The following LRP1B variants were observed in gnomAD, a reference collection of about 807,000 sequenced individuals.
LRP1B encodes the protein LDL receptor related protein 1B.
A neutral mutation model predicts 556.6 loss-of-function variants in LRP1B; 217 were observed. The observed-to-expected ratio is 0.39, with a 90% CI of 0.35 to 0.44. LRP1B has a LOEUF of 0.44. Ranked by LOEUF, LRP1B falls within the 20% of genes least tolerant of loss-of-function variation. LRP1B has a pLI of 1.00. For missense variants in LRP1B, 5,053 were observed against 5,620.8 expected (o/e 0.90, Z 3.23); for synonymous variants, 2,047 against 1,865.8 (o/e 1.10, Z -2.50).
At chr2:141,086,956 A>T (rs935327347) in intron 7 of LRP1B, among the ~76,000 whole-genome samples, 3 of 152,152 alleles carry the variant, frequency 2.0e-5, no homozygotes, top group Admixed American at 1.3e-4. Context: ...GAAGGAACAT[A>T]TTGGTGGTTG....
intron 2 of LRP1B, among the ~76,000 whole-genome samples, chr2:141,630,240 T>C (rs1688859917): frequency 6.6e-6 from 1 of 152,188 alleles, no homozygotes; most frequent in South Asian, 2.1e-4. Context: ...GAGTGCCTAC[T>C]ATATTGATTT....
intron 68 of LRP1B, among the ~76,000 whole-genome samples, chr2:140,374,035 G>T (rs546614402): frequency 6.6e-6 from 1 of 152,120 alleles, no homozygotes; most frequent in Non-Finnish European, 1.5e-5. Context: ...CTAAAGAGCT[G>T]TGAAATGAAC....
intron 7 of LRP1B, among the ~76,000 whole-genome samples, chr2:141,066,060 T>A (rs1304587633): frequency 1.3e-5 from 2 of 152,038 alleles, no homozygotes; most frequent in Non-Finnish European, 2.9e-5. Flanking sequence ...TATTTTTAAA[T>A]GTCATTCTAG....
intron 79 of LRP1B, among the ~76,000 whole-genome samples, chr2:140,327,005 A>T: frequency 6.6e-6 from 1 of 152,154 alleles, no homozygotes. Context: ...TGTATGACTC[A>T]TGAATTCTAT....
intron 35 of LRP1B, among the ~76,000 whole-genome samples, chr2:140,754,618 T>C (rs1688683353): frequency 6.6e-6 from 1 of 151,746 alleles, no homozygotes; most frequent in Non-Finnish European, 1.5e-5. Context: ...AGAAAATACT[T>C]TGAGATGAGT....
chr2:141,676,779 A>G (rs984673202), intron 2 of LRP1B, among the ~76,000 whole-genome samples: 2 of 152,090 alleles, frequency 1.3e-5, no homozygotes, highest in African/African-American at 4.8e-5. Flanking sequence ...TTTAGTTTTC[A>G]ATTTTGTATT....
intron 2 of LRP1B, among the ~76,000 whole-genome samples, chr2:141,507,114 C>T (rs1398237971): frequency 2.6e-5 from 4 of 152,244 alleles, no homozygotes; most frequent in South Asian, 4.1e-4. Flanking sequence ...TTGAAAAATA[C>T]AGTAAGTAAA....
At chr2:141,661,275 C>T (rs192868828) in intron 2 of LRP1B, among the ~76,000 whole-genome samples, 1 of 152,292 alleles carries the variant, frequency 6.6e-6, no homozygotes, top group East Asian at 1.9e-4. Context: ...CTCTTCTCCT[C>T]CAAATGATCA....
At chr2:141,991,112 T>G (rs1488779079) in intron 1 of LRP1B, among the ~76,000 whole-genome samples, 1 of 152,104 alleles carries the variant, frequency 6.6e-6, no homozygotes, top group African/African-American at 2.4e-5. Context: ...ATGGTGAGGT[T>G]AACTTCATCT....
chr2:140,979,622 C>A (rs1427056340), intron 18 of LRP1B, among the ~76,000 whole-genome samples: 2 of 152,106 alleles, frequency 1.3e-5, no homozygotes, highest in African/African-American at 2.4e-5. Context: ...GGGTTCCTCC[C>A]CACCAGGAAA....
chr2:140,970,962 A>C (rs1477211663), intron 18 of LRP1B, among the ~76,000 whole-genome samples: 1 of 151,796 alleles, frequency 6.6e-6, no homozygotes, highest in African/African-American at 2.4e-5. Context: ...GCTGGCCTCA[A>C]ACTCCTGGGC....
chr2:140,915,891 G>C (rs1357198430), intron 21 of LRP1B, among the ~76,000 whole-genome samples: 1 of 151,842 alleles, frequency 6.6e-6, no homozygotes, highest in Non-Finnish European at 1.5e-5. Flanking sequence ...AGCCGGGTGA[G>C]GGGGCAGGCG....
At chr2:140,531,353 C>T (rs1252356398) in intron 47 of LRP1B, among the ~76,000 whole-genome samples, 1 of 152,060 alleles carries the variant, frequency 6.6e-6, no homozygotes, top group Non-Finnish European at 1.5e-5. Flanking sequence ...CTTCCAAATG[C>T]TAATTTATTT....
At chr2:140,827,273 A>C (rs1409227410) in intron 31 of LRP1B, among the ~76,000 whole-genome samples, 2 of 152,160 alleles carry the variant, frequency 1.3e-5, no homozygotes, top group African/African-American at 2.4e-5. Flanking sequence ...GACAAAACAA[A>C]GAGCCAGTGA....
At chr2:141,397,739 A>C (rs1690294964) in intron 3 of LRP1B, among the ~76,000 whole-genome samples, 1 of 151,560 alleles carries the variant, frequency 6.6e-6, no homozygotes, top group Non-Finnish European at 1.5e-5. Flanking sequence ...TATGTCTCTA[A>C]AGTCCCAGAC....
intron 20 of LRP1B, among the ~76,000 whole-genome samples, chr2:140,923,953 ATTTGT>A (rs1336588298): frequency 6.6e-6 from 1 of 152,070 alleles, no homozygotes; most frequent in Non-Finnish European, 1.5e-5. Flanking sequence ...GCTTATTAAA[ATTTGT>A]TTTAAGATCT....
chr2:140,489,156 G>A (rs1334809484), intron 57 of LRP1B, among the ~76,000 whole-genome samples: 5 of 151,874 alleles, frequency 3.3e-5, no homozygotes, highest in Admixed American at 3.3e-4. Flanking sequence ...TCTCACAGCA[G>A]GGCTAAATTT....
chr2:140,665,213 C>G (rs987737238), intron 41 of LRP1B, among the ~76,000 whole-genome samples: 2 of 152,150 alleles, frequency 1.3e-5, no homozygotes, highest in African/African-American at 4.8e-5. Flanking sequence ...TACTTTTATT[C>G]ATAGAAATTT....
intron 1 of LRP1B, among the ~76,000 whole-genome samples, chr2:142,002,821 G>A (rs1702695212): frequency 6.6e-6 from 1 of 152,100 alleles, no homozygotes; most frequent in Non-Finnish European, 1.5e-5. Flanking sequence ...TGTAGTGGGT[G>A]GCAGGGAACA....
Sources: allele counts gnomAD v4.1 joint callset (sites outside exome capture counted in the v4.1 genomes callset), GRCh38; gene constraint gnomAD v4.1.1; transcripts MANE v1.5; gene names NCBI Gene and HGNC (gene_info 2026-07-23, HGNC 2026-07-21).